The following OSBPL1A variants were observed in gnomAD, a reference collection of about 807,000 sequenced individuals.
OSBPL1A encodes oxysterol binding protein like 1A.
OSBPL1A carries 80 observed loss-of-function variants against 137.1 expected under a neutral mutation model. The observed-to-expected ratio is 0.58, with a 90% confidence interval of 0.49 to 0.70. OSBPL1A has a LOEUF of 0.70. OSBPL1A is among the 30% of genes least tolerant of loss of function. The pLI, the probability that OSBPL1A is intolerant of heterozygous loss-of-function variation, is 0.00. For missense variants in OSBPL1A, 970 were observed against 1,129.4 expected (o/e 0.86, Z 2.02); for synonymous variants, 365 against 389.7 (o/e 0.94, Z 0.75).
chr18:24,209,582 C>T lies in OSBPL1A; in HGVS notation c.1602-13382G>A, dbSNP rs1372722242. 2.6e-5 allele frequency among the ~76,000 whole-genome samples: 4 copies of T among 152,056 alleles called. No homozygotes were observed. The East Asian group carries it at 5.8e-4, about 22-fold the overall frequency. ...GTCTGCAGAATGGTATCTAGAAGAACATTTATAAAAGCTTTTTTGTTCATA... is the reference window on the plus strand; with the variant it reads ...GTCTGCAGAATGGTATCTAGAAGAATATTTATAAAAGCTTTTTTGTTCATA... On this transcript the variant is annotated intron_variant, in intron 17 of 27. Transcript: ENST00000319481.
chr18:24,363,470 A>G (rs1486751077), intron 4 of OSBPL1A, among the ~76,000 whole-genome samples: 1 of 131,384 alleles, frequency 7.6e-6, no homozygotes, highest in African/African-American at 3.1e-5. Context: ...TTTTTGAGAT[A>G]GAATCTCGCT....
In OSBPL1A at chr18:24,317,261, GA is replaced by G. The variant is rs770174449; in HGVS notation, c.807-50del. ...CAAGACAAAAGGAAAAGAGACAAGT[GA>G]AAAAAATTCGTATTTCAAAATTTAT... On this transcript the variant is annotated intron_variant, in intron 10 of 27. Coordinates refer to ENST00000319481, the MANE Select transcript of OSBPL1A (RefSeq NM_080597.4). The G allele has an allele frequency of 1.6e-5, 26 of 1,608,852 alleles. No individual in the cohort carries two copies. The Admixed American group carries it at 4.4e-4, about 27-fold the overall frequency.
At chr18:24,294,228 T>C (rs1265763948) in intron 14 of OSBPL1A, among the ~76,000 whole-genome samples, 1 of 151,872 alleles carries the variant, frequency 6.6e-6, no homozygotes, top group Non-Finnish European at 1.5e-5. Flanking sequence ...TTGTTTTTTT[T>C]TTTGGTGGTG....
intron 7 of OSBPL1A, among the ~76,000 whole-genome samples, chr18:24,325,588 G>C (rs1045195948): frequency 2.0e-5 from 3 of 152,114 alleles, no homozygotes; most frequent in African/African-American, 7.2e-5. Flanking sequence ...TCACTCTCTA[G>C]TCCCTTCATC....
intron 17 of OSBPL1A, among the ~76,000 whole-genome samples, chr18:24,220,405 T>C (rs1393925181): frequency 1.3e-5 from 2 of 152,230 alleles, no homozygotes; most frequent in East Asian, 1.9e-4. Flanking sequence ...CTAGTGATGC[T>C]ACTCATTCTT....
chr18:24,209,368 C>T (rs918517291), intron 17 of OSBPL1A, among the ~76,000 whole-genome samples: 6 of 152,150 alleles, frequency 3.9e-5, no homozygotes, highest in Non-Finnish European at 7.4e-5. Context: ...GAACAAGGTA[C>T]CATGTCATAC....
chr18:24,206,312 G>C (rs1357065764), intron 17 of OSBPL1A, among the ~76,000 whole-genome samples: 1 of 152,216 alleles, frequency 6.6e-6, no homozygotes, highest in East Asian at 1.9e-4. Flanking sequence ...CTTCTGGTTA[G>C]GAGGCTGCAG....
At chr18:24,208,238 T>C (rs1053725031) in intron 17 of OSBPL1A, among the ~76,000 whole-genome samples, 3 of 152,072 alleles carry the variant, frequency 2.0e-5, no homozygotes, top group Non-Finnish European at 2.9e-5. Context: ...TAAATTACTG[T>C]AGTAATTAAA....
At chr18:24,262,157 T>C (rs2089458583) in intron 15 of OSBPL1A, among the ~76,000 whole-genome samples, 1 of 152,224 alleles carries the variant, frequency 6.6e-6, no homozygotes, top group African/African-American at 2.4e-5. Context: ...GATAATTGCA[T>C]CATCAAATTT....
At chr18:24,174,456 G>C (rs528830450) in intron 21 of OSBPL1A, among the ~76,000 whole-genome samples, 46 of 152,316 alleles carry the variant, frequency 3.0e-4, no homozygotes, top group African/African-American at 1.1e-3. Flanking sequence ...ATGGTCACTG[G>C]AGTATTTCAG....
chr18:24,237,669 T>A (rs1457741460), intron 16 of OSBPL1A, among the ~76,000 whole-genome samples: 2 of 152,242 alleles, frequency 1.3e-5, no homozygotes, highest in African/African-American at 4.8e-5. Flanking sequence ...GGCTCTTTTA[T>A]ATTCCAAGCT....
chr18:24,280,694 G>A, intron 15 of OSBPL1A, 148 bp downstream of exon 15: 1 of 463,962 alleles, frequency 2.2e-6, no homozygotes, highest in Non-Finnish European at 3.7e-6. Context: ...TAATAAATAA[G>A]TTCTAAATTT....
intron 18 of OSBPL1A, among the ~76,000 whole-genome samples, chr18:24,181,726 C>T (rs2086609320): frequency 6.6e-6 from 1 of 152,182 alleles, no homozygotes; most frequent in South Asian, 2.1e-4. Flanking sequence ...AAACCCTCTC[C>T]CCTGTTAACT....
At chr18:24,199,823 C>A (rs1384118608) in intron 17 of OSBPL1A, among the ~76,000 whole-genome samples, 1 of 152,086 alleles carries the variant, frequency 6.6e-6, no homozygotes, top group Non-Finnish European at 1.5e-5. Context: ...TTCCACCAGT[C>A]AGGGCACAGA....
At chr18:24,178,304 T>G in intron 20 of OSBPL1A, 109 bp from the exon 21 acceptor site, 1 of 1,122,894 alleles carries the variant, frequency 8.9e-7, no homozygotes, top group Non-Finnish European at 1.2e-6. Flanking sequence ...TCTTTTGTTG[T>G]TGTTGTTGAG....
chr18:24,278,940 T>TA (rs796555386), intron 15 of OSBPL1A, among the ~76,000 whole-genome samples: 22 of 152,308 alleles, frequency 1.4e-4, no homozygotes, highest in African/African-American at 5.1e-4. Context: ...CAAACAGTAT[T>TA]AAAAAATCAA....
intron 4 of OSBPL1A, among the ~76,000 whole-genome samples, chr18:24,351,034 G>A (rs1416190955): frequency 6.6e-6 from 1 of 151,994 alleles, no homozygotes; most frequent in Non-Finnish European, 1.5e-5. Flanking sequence ...AGGCCAACTA[G>A]TCTAGGCAGA....
At chr18:24,272,535 G>GA (rs1279248317) in intron 15 of OSBPL1A, among the ~76,000 whole-genome samples, 1 of 152,110 alleles carries the variant, frequency 6.6e-6, no homozygotes, top group African/African-American at 2.4e-5. Context: ...CAGAGGACAG[G>GA]AAAACCCACC....
intron 14 of OSBPL1A, among the ~76,000 whole-genome samples, chr18:24,281,353 G>A (rs908231219): frequency 6.6e-6 from 1 of 150,476 alleles, no homozygotes; most frequent in African/African-American, 2.4e-5. Context: ...CAAAGTGCTG[G>A]GATTACAGGC....
Sources: gnomAD v4.1 joint callset for allele counts (sites outside exome capture counted in the v4.1 genomes callset) on GRCh38, gnomAD v4.1.1 for gene constraint, MANE v1.5 for transcripts, NCBI Gene and HGNC (gene_info 2026-07-23, HGNC 2026-07-21) for gene names.